Variants in WSCD2 observed in about 807,000 individuals in gnomAD.
The protein encoded by WSCD2 is sialate:O-sulfotransferase 2.
Under a neutral mutation model 55.7 loss-of-function variants are expected in WSCD2, and 28 were observed. That is an observed-to-expected ratio of 0.50 (90% CI 0.37 to 0.69). WSCD2 has a LOEUF of 0.69. WSCD2 is among the 30% of genes least tolerant of loss of function. WSCD2 has a pLI of 0.00. For synonymous variants in WSCD2, 301 were observed against 301.9 expected, an observed-to-expected ratio of 1.00 and a Z score of 0.03; for missense variants, 616 against 762.1, an observed-to-expected ratio of 0.81 and a Z score of 2.26.
chr12:108,219,927 A>G (rs1887294584), intron 4 of WSCD2, among the ~76,000 whole-genome samples: 1 of 152,246 alleles, frequency 6.6e-6, no homozygotes, highest in African/African-American at 2.4e-5. Flanking sequence ...TGGACATTTG[A>G]GGATGCTTAA....
At chr12:108,229,858 T>C (rs1204157453) in intron 6 of WSCD2, among the ~76,000 whole-genome samples, 2 of 145,460 alleles carry the variant, frequency 1.4e-5, no homozygotes, top group Non-Finnish European at 3.0e-5. Context: ...CCCAACATTT[T>C]GCTCTGGAAA....
At chr12:108,239,862 T>C (rs574969737) in intron 7 of WSCD2, among the ~76,000 whole-genome samples, 2 of 152,150 alleles carry the variant, frequency 1.3e-5, no homozygotes, top group Non-Finnish European at 2.9e-5. Flanking sequence ...TACAGGTGCA[T>C]GCCACCATGC....
chr12:108,154,568 ACATATT>A (rs899555404), intron 1 of WSCD2, among the ~76,000 whole-genome samples: 6 of 152,268 alleles, frequency 3.9e-5, no homozygotes, highest in Non-Finnish European at 1.5e-5. Flanking sequence ...ATGACAGGTC[ACATATT>A]CACAGGTTAT....
At chr12:108,132,722 T>C (rs926861732) in intron 1 of WSCD2, among the ~76,000 whole-genome samples, 9 of 152,268 alleles carry the variant, frequency 5.9e-5, no homozygotes, top group African/African-American at 9.6e-5. Context: ...TAAGAAGCTA[T>C]ACTCTCTGCC....
rs778929358 is a variant in WSCD2 at position 108,210,965 on chromosome 12, G to A, written c.682+660G>A. On this transcript the variant is annotated intron_variant, in intron 4 of 8. Coordinates refer to ENST00000547525, the MANE Select transcript of WSCD2 (RefSeq NM_014653.4). The surrounding 1 kb of genome is among the most constrained non-coding windows in gnomAD (Gnocchi z 4.3). ...GGAGTGAATAAGAGGACAGGAGCTG[G>A]CTCCTTGTCTGAGGGCACTCCTGGG... Among the ~76,000 whole-genome samples, 3 of 152,212 alleles carry A rather than the reference G, an allele frequency of 2.0e-5. No homozygotes were observed. Among genetic ancestry groups the A allele is most frequent in the Non-Finnish European group, 4.4e-5 (3 of 68,046 alleles).
At chr12:108,216,497 A>G (rs947607712) in intron 4 of WSCD2, among the ~76,000 whole-genome samples, 1 of 152,238 alleles carries the variant, frequency 6.6e-6, no homozygotes, top group Admixed American at 6.5e-5. Context: ...TGGCCCTGAA[A>G]TCTGTGAAGG....
chr12:108,153,293 T>C (rs1878201391), intron 1 of WSCD2, among the ~76,000 whole-genome samples: 1 of 152,136 alleles, frequency 6.6e-6, no homozygotes, highest in Non-Finnish European at 1.5e-5. Context: ...TGAATTCAAG[T>C]CAAGAAAATA....
chr12:108,202,772 T>C (rs1162435521), intron 2 of WSCD2, among the ~76,000 whole-genome samples: 1 of 152,146 alleles, frequency 6.6e-6, no homozygotes, highest in Non-Finnish European at 1.5e-5. Flanking sequence ...AATACCTGGG[T>C]GACAAAATAA....
At chr12:108,179,571 C>T (rs1450923455) in intron 1 of WSCD2, among the ~76,000 whole-genome samples, 1 of 152,222 alleles carries the variant, frequency 6.6e-6, no homozygotes, top group Non-Finnish European at 1.5e-5. Context: ...GGCAATTGTA[C>T]ATGAGATTCC....
At chr12:108,176,765 G>C (rs1258170433) in intron 1 of WSCD2, among the ~76,000 whole-genome samples, 1 of 152,026 alleles carries the variant, frequency 6.6e-6, no homozygotes, top group Non-Finnish European at 1.5e-5. Context: ...AGTTCCAGTT[G>C]CTCCACATCC....
chr12:108,239,832 G>A (rs1889573769), intron 7 of WSCD2, among the ~76,000 whole-genome samples: 1 of 152,118 alleles, frequency 6.6e-6, no homozygotes, highest in Non-Finnish European at 1.5e-5. Context: ...TCCCGCTTCA[G>A]CCCCCCAAGT....
intron 1 of WSCD2, chr12:108,189,550 T>C (rs887897497): frequency 6.6e-6 from 1 of 152,138 alleles, no homozygotes; most frequent in Admixed American, 6.5e-5. Context: ...GTGGGGCACA[T>C]ATGGCATCTG....
intron 6 of WSCD2, among the ~76,000 whole-genome samples, chr12:108,227,426 A>C (rs1888230936): frequency 6.6e-6 from 1 of 152,230 alleles, no homozygotes; most frequent in African/African-American, 2.4e-5. Flanking sequence ...AGACTGAATG[A>C]GAAGAGAGAC....
intron 8 of WSCD2, among the ~76,000 whole-genome samples, chr12:108,246,686 C>T (rs189494208): frequency 1.3e-5 from 2 of 152,282 alleles, no homozygotes; most frequent in Admixed American, 6.5e-5. Flanking sequence ...CCTGTCATTT[C>T]ACCATGACAC....
intron 4 of WSCD2, among the ~76,000 whole-genome samples, chr12:108,212,928 C>A (rs1220082347): frequency 6.6e-6 from 1 of 152,178 alleles, no homozygotes; most frequent in Non-Finnish European, 1.5e-5. Flanking sequence ...AGCTTGAGCA[C>A]CTTCAGCTGG....
rs537849012 is a variant in WSCD2 at position 108,204,999 on chromosome 12, C to CGA, written c.383-1290_383-1289insGA. On this transcript the variant is annotated intron_variant, in intron 2 of 8. Transcript: ENST00000547525. ...AGTGCTGGCTGGATCCCCGGTCTAA[C>CGA]CTCCAGTTACTGATTTGGGGGTCTC... is the stretch of plus-strand genomic sequence containing the variant. Among the ~76,000 whole-genome samples the CGA allele has an allele frequency of 1.8e-3, 276 of 152,320 alleles. 1 individual carries two copies. Among genetic ancestry groups the CGA allele is most frequent in the African/African-American group, 6.5e-3 (269 of 41,566 alleles).
At chr12:108,239,258 C>G (rs141309341) in intron 7 of WSCD2, among the ~76,000 whole-genome samples, 2 of 152,192 alleles carry the variant, frequency 1.3e-5, no homozygotes, top group African/African-American at 4.8e-5. Context: ...TTCCCAGCAC[C>G]TGGCCCTCCC....
intron 8 of WSCD2, chr12:108,244,728 C>T (rs1369242489): frequency 1.2e-5 from 8 of 656,886 alleles, no homozygotes; most frequent in Non-Finnish European, 2.2e-5. Context: ...TAAACAGACC[C>T]CAGGTCTCAG....
chr12:108,158,730 A>G (rs940338119), intron 1 of WSCD2, among the ~76,000 whole-genome samples: 2 of 152,058 alleles, frequency 1.3e-5, no homozygotes, highest in South Asian at 4.2e-4. Flanking sequence ...GACAGTACCA[A>G]CATCCTACCG....
Sources: gnomAD v4.1 joint callset for allele counts (sites outside exome capture counted in the v4.1 genomes callset) on GRCh38, gnomAD v4.1.1 for gene constraint, Gnocchi (gnomAD v3.1) non-coding constraint, MANE v1.5 for transcripts, NCBI Gene and HGNC (gene_info 2026-07-23, HGNC 2026-07-21) for gene names.